The following EYS variants were observed in gnomAD, a reference collection of about 807,000 sequenced individuals.
The protein encoded by EYS is EGF-like photoreceptor maintenance factor.
Under a neutral mutation model 282.1 loss-of-function variants are expected in EYS, and 250 were observed. The ratio of observed to expected loss-of-function variants is 0.89; its 90% CI spans 0.80 to 0.98. The LOEUF is 0.98. Among genes scored for constraint, EYS ranks in the 50% least tolerant of loss-of-function variants. The pLI, the probability that EYS is intolerant of heterozygous loss-of-function variation, is 0.00. For missense variants in EYS, 4,016 were observed against 3,709.0 expected (o/e 1.08, Z -2.15); for synonymous variants, 1,355 against 1,282.9 (o/e 1.06, Z -1.20).
chr6:63,753,397 A>G (rs1769395531), intron 41 of EYS, among the ~76,000 whole-genome samples: 1 of 152,002 alleles, frequency 6.6e-6, no homozygotes, highest in South Asian at 2.1e-4. Flanking sequence ...GTTGAGACCC[A>G]TCTATTTGGA....
intron 35 of EYS, among the ~76,000 whole-genome samples, chr6:63,965,777 G>A (rs542426866): frequency 3.9e-5 from 6 of 152,188 alleles, no homozygotes; most frequent in African/African-American, 1.2e-4. Context: ...CTGGGGGAAC[G>A]GCTCATTATA....
At chr6:65,328,704 TA>T (rs1415838272) in intron 11 of EYS, among the ~76,000 whole-genome samples, 1 of 150,970 alleles carries the variant, frequency 6.6e-6, no homozygotes, top group Non-Finnish European at 1.5e-5. Context: ...GGTAAAATTC[TA>T]TAAGTTAAAA....
chr6:64,929,213 A>G (rs992601063), intron 15 of EYS, among the ~76,000 whole-genome samples: 4 of 152,078 alleles, frequency 2.6e-5, no homozygotes, highest in African/African-American at 9.7e-5. Context: ...AAACTACAAA[A>G]ATTGAAGGCT....
At position 65,109,463 on chromosome 6, in the gene EYS, C is replaced by G. The variant is rs371585061; in HGVS notation, c.2024-51736G>C. On this transcript the variant is annotated intron_variant, in intron 12 of 42. Coordinates refer to ENST00000503581, the MANE Select transcript of EYS (RefSeq NM_001142800.2). Reference sequence around the variant, plus strand: ...ACCTTTTTTTACTTGGGCGGTAGCTCCTATATTATTTCATACATTTGTCAT... The same window carrying G: ...ACCTTTTTTTACTTGGGCGGTAGCTGCTATATTATTTCATACATTTGTCAT... Among the ~76,000 whole-genome samples, 434 of 151,916 alleles carry G rather than the reference C, an allele frequency of 2.9e-3. 3 individuals carry two copies. The highest frequency in any genetic ancestry group is 0.02 in the South Asian group (96 of 4,816).
At chr6:65,261,633 G>C (rs1767622959) in intron 12 of EYS, among the ~76,000 whole-genome samples, 1 of 151,976 alleles carries the variant, frequency 6.6e-6, no homozygotes, top group South Asian at 2.1e-4. Flanking sequence ...ATTGTCATTT[G>C]TCTATGATCA....
At chr6:65,584,838 C>G (rs992206090) in intron 2 of EYS, among the ~76,000 whole-genome samples, 4 of 150,850 alleles carry the variant, frequency 2.7e-5, no homozygotes, top group Non-Finnish European at 4.4e-5. Context: ...TGTATACACA[C>G]AAATACAATT....
chr6:65,495,664 A>T, intron 3 of EYS, 57 bp from the exon 4 acceptor site: 1 of 546,348 alleles, frequency 1.8e-6, no homozygotes, highest in East Asian at 3.2e-5. Flanking sequence ...TTAATAATAT[A>T]GAAAATGCTA....
chr6:65,353,398 G>T, intron 9 of EYS, 60 bp downstream of exon 9: 2 of 1,451,910 alleles, frequency 1.4e-6, no homozygotes, highest in Non-Finnish European at 1.9e-6. Context: ...AAATGAATAC[G>T]TGACTAGCAA....
At chr6:64,101,077 A>G (rs1193969328) in intron 31 of EYS, among the ~76,000 whole-genome samples, 1 of 152,172 alleles carries the variant, frequency 6.6e-6, no homozygotes. Flanking sequence ...CATGCTTTTA[A>G]AAACGGATTC....
chr6:65,676,551 T>C lies in EYS; in HGVS notation c.-448+30584A>G, dbSNP rs545787607. Among the ~76,000 whole-genome samples the C allele has an allele frequency of 6.6e-5, 10 of 151,542 alleles. No individual in the cohort carries two copies. In the South Asian group the frequency reaches 2.1e-3, roughly 31 times the overall value. On this transcript the variant is annotated intron_variant, in intron 1 of 42. Coordinates refer to ENST00000503581, the MANE Select transcript of EYS (RefSeq NM_001142800.2). Reference sequence around the variant, plus strand: ...AACAGGCATATATCTAGTAAGAAAATTGAATCAATAAGCAAAAACCTCTCA... The same window carrying C: ...AACAGGCATATATCTAGTAAGAAAACTGAATCAATAAGCAAAAACCTCTCA...
intron 12 of EYS, among the ~76,000 whole-genome samples, chr6:65,115,131 T>C (rs1384930513): frequency 6.6e-6 from 1 of 152,060 alleles, no homozygotes; most frequent in Non-Finnish European, 1.5e-5. Flanking sequence ...CCTGCAAACT[T>C]CCACAAATAC....
In EYS at chr6:64,206,215, C is replaced by T. The variant is rs539382475; in HGVS notation, c.6424+24377G>A. Among the ~76,000 whole-genome samples, 16 of 151,400 alleles carry T rather than the reference C, an allele frequency of 1.1e-4. 1 individual carries two copies. The highest frequency in any genetic ancestry group is 3.9e-4 in the African/African-American group (16 of 41,258). ...AATGTGTAGATTTTATAAATTAGAA[C>T]ACTATACTAGTTATTGGTATAATTC... On this transcript the variant is annotated intron_variant, in intron 31 of 42. Transcript: ENST00000503581.
intron 35 of EYS, among the ~76,000 whole-genome samples, chr6:63,920,286 T>C (rs1385382375): frequency 6.6e-6 from 1 of 152,168 alleles, no homozygotes; most frequent in Non-Finnish European, 1.5e-5. Context: ...CCCTTCTCCA[T>C]TCCTCCCCTA....
At chr6:63,900,517 G>A (rs995457910) in intron 35 of EYS, among the ~76,000 whole-genome samples, 3 of 152,110 alleles carry the variant, frequency 2.0e-5, no homozygotes, top group South Asian at 4.1e-4. Flanking sequence ...CTGTGCACAC[G>A]CACAGCAGAG....
At chr6:65,293,998 G>A (rs547456828) in intron 12 of EYS, among the ~76,000 whole-genome samples, 2 of 151,836 alleles carry the variant, frequency 1.3e-5, no homozygotes, top group South Asian at 4.1e-4. Flanking sequence ...CAAATGGAGG[G>A]GGGAAAAGAG....
rs759848963 is a variant in EYS, at chr6:65,494,723, T to G, written c.688A>C (p.Asn230His). Reference sequence around the variant, plus strand: ...TGCTCATCCCAATTTTCTCTTTTATTAATGCAACTGCCATTATTTTTACAT... The same window carrying G: ...TGCTCATCCCAATTTTCTCTTTTATGAATGCAACTGCCATTATTTTTACAT... ...KPCKNNGSCI[N>H]KRENWDEQAY... The change falls in exon 4 of 43, where the codon AAT (asparagine) becomes CAT (histidine). Residue 230 changes from asparagine (N) to histidine (H), a missense_variant. By Grantham distance (68) the Asn-to-His change is moderately conservative. Coordinates refer to ENST00000503581, the MANE Select transcript of EYS (RefSeq NM_001142800.2). The G allele has an allele frequency of 6.2e-7, 1 of 1,609,942 alleles. No homozygotes were observed. The highest frequency in any genetic ancestry group is 1.1e-5 in the South Asian group (1 of 90,474).
At chr6:64,838,875 T>G (rs1233013889) in intron 19 of EYS, among the ~76,000 whole-genome samples, 1 of 151,956 alleles carries the variant, frequency 6.6e-6, no homozygotes, top group Admixed American at 6.6e-5. Flanking sequence ...ATGATACAAT[T>G]TTTTGCATTT....
intron 12 of EYS, among the ~76,000 whole-genome samples, chr6:65,208,710 G>T (rs996280740): frequency 1.3e-5 from 2 of 151,628 alleles, no homozygotes; most frequent in African/African-American, 4.8e-5. Flanking sequence ...AGAAAAATCA[G>T]TACCACACCT....
intron 29 of EYS, among the ~76,000 whole-genome samples, chr6:64,369,016 C>T (rs1035385414): frequency 9.2e-5 from 14 of 152,044 alleles, no homozygotes; most frequent in Admixed American, 9.2e-4. Flanking sequence ...AGGTTATCTT[C>T]CAGGGATTTT....
Sources: gnomAD v4.1 joint callset for allele counts (sites outside exome capture counted in the v4.1 genomes callset) on GRCh38, gnomAD v4.1.1 for gene constraint, MANE v1.5 for transcripts, NCBI Gene and HGNC (gene_info 2026-07-23, HGNC 2026-07-21) for gene names.